The following DLG2 variants were observed in gnomAD, a reference collection of about 807,000 sequenced individuals.
DLG2 encodes the protein discs large MAGUK scaffold protein 2.
In DLG2, 45 loss-of-function variants were observed where a neutral mutation model predicts 132.5. That is an observed-to-expected ratio of 0.34 (90% CI 0.27 to 0.44). The LOEUF (loss-of-function observed/expected upper bound fraction) is 0.44. Among genes scored for constraint, DLG2 ranks in the 20% least tolerant of loss-of-function variants. DLG2 has a pLI of 1.00. For synonymous variants in DLG2, 424 were observed against 419.6 expected (o/e 1.01, Z -0.13); for missense variants, 1,045 against 1,196.9 (o/e 0.87, Z 1.87).
At chr11:84,549,658 T>G (rs930235753) in intron 6 of DLG2, among the ~76,000 whole-genome samples, 1 of 152,170 alleles carries the variant, frequency 6.6e-6, no homozygotes, top group Non-Finnish European at 1.5e-5. Context: ...AGTGTCACTA[T>G]AGGAAATTGA....
At chr11:83,896,086 G>A (rs1175084304) in intron 15 of DLG2, among the ~76,000 whole-genome samples, 2 of 152,114 alleles carry the variant, frequency 1.3e-5, no homozygotes, top group Non-Finnish European at 1.5e-5. Flanking sequence ...AGGGGTGGGG[G>A]AAATTAATAT....
intron 6 of DLG2, among the ~76,000 whole-genome samples, chr11:84,551,240 G>A (rs2099401211): frequency 6.6e-6 from 1 of 152,094 alleles, no homozygotes; most frequent in African/African-American, 2.4e-5. Flanking sequence ...TGCTTATGGT[G>A]GTTTAAATAT....
chr11:85,585,631 T>C (rs1471442321), intron 3 of DLG2, among the ~76,000 whole-genome samples: 2 of 152,214 alleles, frequency 1.3e-5, no homozygotes, highest in East Asian at 1.9e-4. Context: ...AAATGAGTGC[T>C]GGATTTTGTC....
chr11:84,960,480 G>A (rs1591856968), intron 6 of DLG2, among the ~76,000 whole-genome samples: 1 of 150,218 alleles, frequency 6.7e-6, no homozygotes, highest in African/African-American at 2.5e-5. Flanking sequence ...CTGTCACCCA[G>A]GCTGGAGTGC....
At chr11:84,384,094 G>A (rs1307148443) in intron 7 of DLG2, among the ~76,000 whole-genome samples, 2 of 131,690 alleles carry the variant, frequency 1.5e-5, no homozygotes, top group African/African-American at 6.3e-5. Flanking sequence ...TCTCGATGAC[G>A]CTTTTTTTTT....
intron 6 of DLG2, among the ~76,000 whole-genome samples, chr11:84,672,204 C>T (rs2099706644): frequency 6.6e-6 from 1 of 152,006 alleles, no homozygotes; most frequent in South Asian, 2.1e-4. Flanking sequence ...TGCTAGTCAC[C>T]CAAAGTGGGT....
chr11:84,904,933 T>A (rs2091335871), intron 6 of DLG2, among the ~76,000 whole-genome samples: 1 of 152,200 alleles, frequency 6.6e-6, no homozygotes, highest in Non-Finnish European at 1.5e-5. Context: ...ATTTTTTGTT[T>A]TGTTTTTTGA....
intron 11 of DLG2, among the ~76,000 whole-genome samples, chr11:83,997,114 C>A (rs866740527): frequency 8.9e-4 from 53 of 59,806 alleles, no homozygotes; most frequent in Non-Finnish European, 1.4e-3. Context: ...CTCACAAAAA[C>A]TAAAAGTAAA....
chr11:84,383,048 T>A (rs2098754419), intron 7 of DLG2, among the ~76,000 whole-genome samples: 1 of 152,016 alleles, frequency 6.6e-6, no homozygotes, highest in African/African-American at 2.4e-5. Context: ...ACTCTGACCA[T>A]GGTGCTTCCT....
intron 7 of DLG2, among the ~76,000 whole-genome samples, chr11:84,292,844 A>T (rs1188496812): frequency 6.6e-6 from 1 of 152,170 alleles, no homozygotes; most frequent in Non-Finnish European, 1.5e-5. Context: ...CCTGGGCCAC[A>T]TTGGAAGAAG....
intron 18 of DLG2, among the ~76,000 whole-genome samples, chr11:83,775,063 C>T (rs1002819119): frequency 2.0e-5 from 3 of 152,108 alleles, no homozygotes; most frequent in Admixed American, 6.5e-5. Context: ...TCTCCTAGCC[C>T]GCATCTGCTC....
At chr11:83,827,486 G>A (rs1299996303) in intron 17 of DLG2, among the ~76,000 whole-genome samples, 1 of 152,092 alleles carries the variant, frequency 6.6e-6, no homozygotes, top group Non-Finnish European at 1.5e-5. Context: ...TGGAAATCCA[G>A]TTACCTATTA....
intron 15 of DLG2, among the ~76,000 whole-genome samples, chr11:83,922,252 T>C (rs1158744381): frequency 6.6e-6 from 1 of 152,160 alleles, no homozygotes; most frequent in Non-Finnish European, 1.5e-5. Context: ...TTTCTTTCCA[T>C]GTAAACCCTT....
intron 3 of DLG2, among the ~76,000 whole-genome samples, chr11:85,366,998 C>T (rs1000364607): frequency 6.6e-6 from 1 of 151,940 alleles, no homozygotes; most frequent in African/African-American, 2.4e-5. Context: ...TAGTATACTT[C>T]CAGAAAAGTT....
In DLG2 at chr11:85,355,042, A is replaced by T. The variant is rs1443337007; in HGVS notation, c.41-69677T>A. Among the ~76,000 whole-genome samples, 7 of 152,140 alleles carry T rather than the reference A, an allele frequency of 4.6e-5. No homozygotes were observed. In the East Asian group the frequency reaches 1.3e-3, roughly 29 times the overall value. ...TTTTGCACATTTTTGGCAAATTTTG[A>T]CAATATATTTTCTATTTATAATATG... is the stretch of plus-strand genomic sequence containing the variant. On this transcript the variant is annotated intron_variant, in intron 3 of 27. Coordinates refer to ENST00000376104, the MANE Select transcript of DLG2 (RefSeq NM_001142699.3).
chr11:83,575,143 A>G (rs956093030), intron 19 of DLG2, among the ~76,000 whole-genome samples: 1 of 152,190 alleles, frequency 6.6e-6, no homozygotes, highest in African/African-American at 2.4e-5. Flanking sequence ...ATTTCTATGC[A>G]AGATGGAATG....
At chr11:83,718,417 A>T (rs2087329513) in intron 18 of DLG2, among the ~76,000 whole-genome samples, 1 of 150,968 alleles carries the variant, frequency 6.6e-6, no homozygotes, top group Non-Finnish European at 1.5e-5. Flanking sequence ...CCAGCTACTC[A>T]GGAGGTTGAG....
At chr11:85,217,269 A>G (rs2082677667) in intron 4 of DLG2, among the ~76,000 whole-genome samples, 1 of 151,410 alleles carries the variant, frequency 6.6e-6, no homozygotes. Flanking sequence ...TCACACTTTT[A>G]AAATGGATAT....
chr11:83,839,247 C>T (rs932762930), intron 16 of DLG2, among the ~76,000 whole-genome samples: 5 of 151,840 alleles, frequency 3.3e-5, no homozygotes, highest in African/African-American at 4.8e-5. Context: ...GATTTAAATG[C>T]CTTTTTTAAA....
Sources: allele counts gnomAD v4.1 joint callset (sites outside exome capture counted in the v4.1 genomes callset), GRCh38; gene constraint gnomAD v4.1.1; transcripts MANE v1.5; gene names NCBI Gene and HGNC (gene_info 2026-07-23, HGNC 2026-07-21).